The following KCNT1 variants were observed in gnomAD, a reference collection of about 807,000 sequenced individuals.
KCNT1 encodes the protein potassium sodium-activated channel subfamily T member 1.
A neutral mutation model predicts 147.8 loss-of-function variants in KCNT1; 78 were observed. The ratio of observed to expected loss-of-function variants is 0.53; its 90% CI spans 0.44 to 0.64. The LOEUF (loss-of-function observed/expected upper bound fraction) is 0.64, where lower values mean the gene tolerates loss of function less well. Ranked by LOEUF, KCNT1 falls within the 30% of genes least tolerant of loss-of-function variation. The probability of loss-of-function intolerance (pLI) is 0.00; values close to 1 mark genes in which losing one functional copy is unlikely to be tolerated. For missense variants in KCNT1, 1,419 were observed against 1,750.3 expected (o/e 0.81, Z 3.38); for synonymous variants, 867 against 748.8 (o/e 1.16, Z -2.58).
chr9:135,753,844 C>T, intron 4 of KCNT1, 93 bp from the exon 5 acceptor site: 1 of 1,363,042 alleles, frequency 7.3e-7, no homozygotes, highest in Non-Finnish European at 1.0e-6. Context: ...AGGAGGCCCC[C>T]ATGAACCCGA....
chr9:135,735,661 A>G (rs1388263590), intron 2 of KCNT1, among the ~76,000 whole-genome samples: 1 of 152,088 alleles, frequency 6.6e-6, no homozygotes. Context: ...CCTGCCTCCC[A>G]CAGGCCTCTG....
intron 8 of KCNT1, 29 bp downstream of exon 8, chr9:135,757,259 G>A (rs377448102): frequency 1.7e-5 from 28 of 1,611,974 alleles, no homozygotes; most frequent in Middle Eastern, 1.7e-4. Flanking sequence ...CCAGGAGTGC[G>A]GGCCCTGGAG....
At chr9:135,772,408 G>A (rs1313791212) in intron 18 of KCNT1, among the ~76,000 whole-genome samples, 4 of 152,092 alleles carry the variant, frequency 2.6e-5, no homozygotes, top group African/African-American at 9.7e-5. Context: ...TGAGACCCCC[G>A]AGCCCAGAAT....
chr9:135,737,631 C>A (rs1430339954), intron 2 of KCNT1, among the ~76,000 whole-genome samples: 1 of 146,838 alleles, frequency 6.8e-6, no homozygotes, highest in Non-Finnish European at 1.5e-5. Context: ...GGGAGATGGG[C>A]AGGGGCCTTC....
At chr9:135,746,552 TGTGGAGGCCAAGGGGAG>T (rs1197981972) in intron 2 of KCNT1, among the ~76,000 whole-genome samples, 1 of 152,212 alleles carries the variant, frequency 6.6e-6, no homozygotes, top group Non-Finnish European at 1.5e-5. Flanking sequence ...GTTTCCTGGC[TGTGGAGGCCAAGGGGAG>T]CCCAGGGGGA....
At chr9:135,753,653 A>T in intron 4 of KCNT1, 1 of 537,596 alleles carries the variant, frequency 1.9e-6, no homozygotes, top group Non-Finnish European at 3.3e-6. Flanking sequence ...GGCTACCCCC[A>T]ATCCCGCAGA....
intron 29 of KCNT1, chr9:135,790,721 G>A (rs1008454108): frequency 6.6e-6 from 1 of 152,446 alleles, no homozygotes; most frequent in African/African-American, 2.4e-5. Context: ...CAGAGAGGAG[G>A]GAATGGCAGC....
Position 135,751,015 on chromosome 9 carries a change from C to A in KCNT1, c.408C>A (p.Leu136=). 1.2e-6 allele frequency: 2 copies of A among 1,612,212 alleles called. No individual in the cohort carries two copies. Among genetic ancestry groups the A allele is most frequent in the Non-Finnish European group, 1.7e-6 (2 of 1,179,824 alleles). ...TCLLYIVRVL[L]DDPALGIGCW... ...TGCTCTACATTGTGCGCGTCCTGCT[C>A]GATGACCCGGCCCTGGGCATCGGAT... Residue 136 remains leucine (L), a synonymous_variant, in exon 4 of 31, where the codon CTC becomes CTA. Transcript: ENST00000371757.
Position 135,786,298 on chromosome 9 carries a change from C to T in KCNT1, c.3279C>T (p.His1093=). ...CCGGAGGCAGCTCCCAGGGCCGCCA[C>T]ACGGGCGGCGGTGACCCCGCAGAGC... ...AGTGGSSQGR[H]TGGGDPAEHP... is the part of the protein sequence containing the mutation. Residue 1093 remains histidine, a synonymous_variant, in exon 29 of 31, where the codon CAC becomes CAT. Transcript: ENST00000371757. 6.2e-7 allele frequency: 1 copy of T among 1,604,820 alleles called. No individual in the cohort carries two copies. Among genetic ancestry groups the T allele is most frequent in the Middle Eastern group, 1.7e-4 (1 of 5,908 alleles).
At position 135,784,752 on chromosome 9, in the gene KCNT1, A is replaced by G; in HGVS notation, c.3028-9A>G. 6.2e-7 allele frequency: 1 copy of G among 1,611,892 alleles called. No homozygotes were observed. Among genetic ancestry groups the G allele is most frequent in the Non-Finnish European group, 8.5e-7 (1 of 1,179,468 alleles). ...CTGCCCCAGCCAACTCAGGGTTCCC[A>G]CCCTGCAGATGAAAATCACCGAGGG... On this transcript the variant is annotated splice_polypyrimidine_tract_variant and intron_variant, in intron 26 of 30. Coordinates refer to ENST00000371757, the MANE Select transcript of KCNT1 (RefSeq NM_020822.3).
At chr9:135,727,787 G>T (rs1836280496) in intron 2 of KCNT1, among the ~76,000 whole-genome samples, 2 of 152,356 alleles carry the variant, frequency 1.3e-5, no homozygotes, top group South Asian at 4.1e-4. Flanking sequence ...GGACCATCCA[G>T]AGAGCGTGGG....
At chr9:135,782,255 G>A (rs990115154) in intron 24 of KCNT1, among the ~76,000 whole-genome samples, 1 of 152,144 alleles carries the variant, frequency 6.6e-6, no homozygotes. Flanking sequence ...CTGCTGGTGG[G>A]GTGACATGCA....
At chr9:135,777,787 T>TTCCCAGCTCCACCCAACTCCCAGC (rs1833279297) in intron 21 of KCNT1, among the ~76,000 whole-genome samples, 1 of 141,156 alleles carries the variant, frequency 7.1e-6, no homozygotes, top group Admixed American at 7.1e-5. Context: ...GTTCCCCCAG[T>TTCCCAGCTCCACCCAACTCCCAGC]TCCCAGCTCC....
intron 2 of KCNT1, among the ~76,000 whole-genome samples, chr9:135,727,621 G>C (rs1017650615): frequency 6.6e-6 from 1 of 152,128 alleles, no homozygotes; most frequent in African/African-American, 2.4e-5. Flanking sequence ...TGGTACTGTT[G>C]TGCCTTTGAA....
chr9:135,784,432 G>A (rs1214675913), intron 25 of KCNT1, 103 bp from the exon 26 acceptor site: 19 of 848,958 alleles, frequency 2.2e-5, no homozygotes, highest in African/African-American at 1.5e-4. Flanking sequence ...GCCCGTGGCC[G>A]GTGGGGTATG....
intron 11 of KCNT1, 36 bp downstream of exon 11, chr9:135,759,895 G>C: frequency 2.6e-6 from 4 of 1,557,120 alleles, no homozygotes; most frequent in Non-Finnish European, 3.5e-6. Context: ...GGTGGCACCA[G>C]CAAAGGGACA....
intron 2 of KCNT1, among the ~76,000 whole-genome samples, chr9:135,739,247 C>T (rs981051259): frequency 2.0e-5 from 3 of 152,130 alleles, no homozygotes; most frequent in African/African-American, 7.2e-5. Flanking sequence ...CTCTCTTTGA[C>T]CCCAGGGAGC....
intron 19 of KCNT1, among the ~76,000 whole-genome samples, chr9:135,773,821 G>T (rs1289627633): frequency 6.6e-6 from 1 of 152,228 alleles, no homozygotes; most frequent in African/African-American, 2.4e-5. Context: ...TGGCCTGCTG[G>T]GGACAACAGC....
Position 135,757,336 on chromosome 9 carries a change from CTT to C in KCNT1, c.716_717del (p.Phe239SerfsTer15). On this transcript the variant is annotated frameshift_variant, in exon 9 of 31. Coordinates refer to ENST00000371757, the MANE Select transcript of KCNT1 (RefSeq NM_020822.3). LOFTEE classifies it high-confidence loss of function. ...CGCTGCGGAACCTGTTCATCCCCGT[CTT>C]TCTGAACTGCTGGCTGGCCAAGCAC... ...PPLRNLFIPVFLNCWLAKHAL... is the reference protein window; with the variant it reads ...PPLRNLFIPVXLNCWLAKHAL... 1 of 1,611,646 alleles carries C rather than the reference CTT, an allele frequency of 6.2e-7. No homozygotes were observed. The highest frequency in any genetic ancestry group is 8.5e-7 in the Non-Finnish European group (1 of 1,179,992).
Sources: gnomAD v4.1 joint callset for allele counts (sites outside exome capture counted in the v4.1 genomes callset) on GRCh38, gnomAD v4.1.1 for gene constraint, MANE v1.5 for transcripts, NCBI Gene and HGNC (gene_info 2026-07-23, HGNC 2026-07-21) for gene names.